PLEKHM1: variants seen among roughly 807,000 people sequenced by gnomAD.
The protein encoded by PLEKHM1 is pleckstrin homology and RUN domain containing M1.
In PLEKHM1, 28 loss-of-function variants were observed where a neutral mutation model predicts 94.3. That is an observed-to-expected ratio of 0.30 (90% CI 0.22 to 0.41). PLEKHM1 has a LOEUF of 0.41. Among genes scored for constraint, PLEKHM1 ranks in the 10% least tolerant of loss-of-function variants. The probability of loss-of-function intolerance (pLI) is 1.00; values close to 1 mark genes in which losing one functional copy is unlikely to be tolerated. For missense variants in PLEKHM1, 907 were observed against 1,358.6 expected (o/e 0.67, Z 5.22); for synonymous variants, 424 against 581.2 (o/e 0.73, Z 3.89).
chr17:45,435,821 G>A (rs2050239018), downstream of PLEKHM1: 2 of 396,102 alleles, frequency 5.0e-6, no homozygotes, highest in South Asian at 3.8e-5. Flanking sequence ...TGAGGGTAGG[G>A]GACCCTGACA....
intron 2 of PLEKHM1, among the ~76,000 whole-genome samples, chr17:45,479,580 G>A (rs1246115886): frequency 2.0e-5 from 3 of 151,618 alleles, no homozygotes; most frequent in African/African-American, 7.3e-5. Flanking sequence ...CAGCTACTTA[G>A]GAGGCTGAGG....
At chr17:45,485,397 G>A (rs896596603) in intron 1 of PLEKHM1, among the ~76,000 whole-genome samples, 2 of 152,140 alleles carry the variant, frequency 1.3e-5, no homozygotes, top group Middle Eastern at 3.4e-3. Flanking sequence ...CTTCTAGAGA[G>A]AGCCCGAAGC....
intron 4 of PLEKHM1, among the ~76,000 whole-genome samples, chr17:45,469,809 C>T (rs2684542): frequency 1.3e-5 from 2 of 152,182 alleles, no homozygotes; most frequent in African/African-American, 4.8e-5. Context: ...TGTGGTGGCT[C>T]ACATCTGCAA....
chr17:45,454,154 C>T lies in PLEKHM1; in HGVS notation c.1698G>A (p.Leu566=). ...CCACACAGGTGTGCTCCTCGTTGCT[C>T]AGGTAGAGGCGGAACTCCAGCGGGG... ...ELSPLEFRLY[L]SNEEHTCVEN... Residue 566 remains leucine (L), a synonymous_variant, in exon 7 of 12, where the codon CTG becomes CTA. Coordinates refer to ENST00000430334, the MANE Select transcript of PLEKHM1 (RefSeq NM_014798.3). The T allele has an allele frequency of 6.2e-7, 1 of 1,614,086 alleles. No homozygotes were observed. The highest frequency in any genetic ancestry group is 8.5e-7 in the Non-Finnish European group (1 of 1,180,028).
chr17:45,450,285 CATCT>C (rs1436393324), intron 8 of PLEKHM1, among the ~76,000 whole-genome samples: 1 of 152,250 alleles, frequency 6.6e-6, no homozygotes, highest in Non-Finnish European at 1.5e-5. Context: ...ATCCACCATC[CATCT>C]ATCTAATCTA....
rs527308011 is a variant in PLEKHM1, at chr17:45,455,175, C to T, written c.1580-903G>A. On this transcript the variant is annotated intron_variant, in intron 6 of 11. Coordinates refer to ENST00000430334, the MANE Select transcript of PLEKHM1 (RefSeq NM_014798.3). ...GGTCTCTAGTTTCCCTGCTCCCATT[C>T]CTTCTCGAACCTGCTCCAAGTAGGC... 3.3e-5 allele frequency among the ~76,000 whole-genome samples: 5 copies of T among 152,282 alleles called. No individual in the cohort carries two copies. In the East Asian group the frequency reaches 9.6e-4, roughly 29 times the overall value.
At chr17:45,479,194 T>C (rs2051856109) in intron 2 of PLEKHM1, among the ~76,000 whole-genome samples, 1 of 151,804 alleles carries the variant, frequency 6.6e-6, no homozygotes, top group Non-Finnish European at 1.5e-5. Flanking sequence ...GCAAACATGA[T>C]GAAACCCTGT....
At chr17:45,468,813 T>C (rs2051407282) in intron 4 of PLEKHM1, among the ~76,000 whole-genome samples, 1 of 152,236 alleles carries the variant, frequency 6.6e-6, no homozygotes, top group South Asian at 2.1e-4. Context: ...ACAGGTGATT[T>C]GTGGAGCCTG....
chr17:45,436,618 C>G lies in PLEKHM1; in HGVS notation c.*1240G>C, dbSNP rs972112972. 2 of 453,868 alleles carry G rather than the reference C, an allele frequency of 4.4e-6. No individual in the cohort carries two copies. The highest frequency in any genetic ancestry group is 2.0e-5 in the African/African-American group (1 of 50,014). 28.1% of individuals were successfully genotyped at this position (453,868 alleles called of 1,614,324 possible). ...AGAGACCAGCAAACCCACATTTCCC[C>G]GAAGCCTGGAGGGTCTGACCATCAC... On this transcript the variant is annotated 3_prime_UTR_variant, in exon 12 of 12. Coordinates refer to ENST00000430334, the MANE Select transcript of PLEKHM1 (RefSeq NM_014798.3).
chr17:45,462,778 A>T (rs1346292854), intron 5 of PLEKHM1, among the ~76,000 whole-genome samples: 1 of 152,216 alleles, frequency 6.6e-6, no homozygotes, highest in Non-Finnish European at 1.5e-5. Flanking sequence ...ACAAATGTAA[A>T]TTTTAAGATT....
At chr17:45,462,560 C>A (rs1340250423) in intron 5 of PLEKHM1, among the ~76,000 whole-genome samples, 2 of 152,042 alleles carry the variant, frequency 1.3e-5, no homozygotes, top group African/African-American at 4.8e-5. Flanking sequence ...CTTCCCACCC[C>A]CTAGCTGGGT....
chr17:45,449,963 T>C (rs1218850269), intron 8 of PLEKHM1, among the ~76,000 whole-genome samples: 1 of 142,954 alleles, frequency 7.0e-6, no homozygotes, highest in African/African-American at 2.6e-5. Flanking sequence ...CCCACCCACC[T>C]AGCCACCACC....
rs763610032 is a variant in PLEKHM1, at chr17:45,454,053, C to T, written c.1799G>A (p.Gly600Asp). 1 of 1,614,178 alleles carries T rather than the reference C, an allele frequency of 6.2e-7. No homozygotes were observed. The highest frequency in any genetic ancestry group is 8.5e-7 in the Non-Finnish European group (1 of 1,180,024). ...GGAGGCGCGCAGGGCCAGCTTCTTG[C>T]CAGAGAAGACCAGCTCAAAGCGCCC... is the stretch of plus-strand genomic sequence containing the variant. ...SDGRFELVFS[G>D]KKLALRASSQ... The change falls in exon 7 of 12, where the codon GGC becomes GAC. Residue 600 changes from glycine (G) to aspartate (D), a missense_variant. Gly to Asp is a moderately conservative substitution (Grantham distance 94). This residue lies in a region of PLEKHM1 where 477 missense variants were observed against 601.5 expected (regional missense o/e 0.79). Transcript: ENST00000430334.
Position 45,437,258 on chromosome 17 carries a change from C to G in PLEKHM1, c.*600G>C, listed in dbSNP as rs2050290658. 2.2e-6 allele frequency: 1 copy of G among 453,964 alleles called. No individual in the cohort carries two copies. Among genetic ancestry groups the G allele is most frequent in the African/African-American group, 2.0e-5 (1 of 49,998 alleles). 28.1% of individuals were successfully genotyped at this position (453,964 alleles called of 1,614,324 possible). ...TGCCCTGCTGAGGGGCGGTTTGGCA[C>G]TGGCAGTGAGGGCCAAGGAAAGGCA... On this transcript the variant is annotated 3_prime_UTR_variant, in exon 12 of 12. Coordinates refer to ENST00000430334, the MANE Select transcript of PLEKHM1 (RefSeq NM_014798.3). The surrounding 1 kb of genome is among the most constrained non-coding windows in gnomAD (Gnocchi z 4.0).
intron 8 of PLEKHM1, among the ~76,000 whole-genome samples, chr17:45,447,698 A>T (rs1422992391): frequency 6.6e-6 from 1 of 152,162 alleles, no homozygotes; most frequent in Non-Finnish European, 1.5e-5. Flanking sequence ...CCTACTTTCT[A>T]TCTTGAGTTT....
At position 45,436,577 on chromosome 17, in the gene PLEKHM1, T is replaced by G; in HGVS notation, c.*1281A>C. 2.2e-6 allele frequency: 1 copy of G among 451,668 alleles called. No homozygotes were observed. Among genetic ancestry groups the G allele is most frequent in the South Asian group, 1.6e-5 (1 of 64,390 alleles). 28.0% of individuals were successfully genotyped at this position (451,668 alleles called of 1,614,324 possible). On this transcript the variant is annotated 3_prime_UTR_variant, in exon 12 of 12. Transcript: ENST00000430334. ...GAGGGCCTGCTAGGTCCAGGAGAGG[T>G]GGGGGAAGGCGACAGAGAGACCAGC...
intron 11 of PLEKHM1, among the ~76,000 whole-genome samples, chr17:45,438,949 G>A (rs1416008063): frequency 1.3e-5 from 2 of 152,254 alleles, no homozygotes; most frequent in Non-Finnish European, 2.9e-5. Context: ...AATGTTCCCA[G>A]TTCAGTTTTC....
chr17:45,440,105 C>T, intron 10 of PLEKHM1, 58 bp downstream of exon 10: 3 of 1,494,776 alleles, frequency 2.0e-6, no homozygotes, highest in Non-Finnish European at 2.8e-6. Flanking sequence ...TCCTTGCTGA[C>T]TTCTCTGGGA....
intron 5 of PLEKHM1, among the ~76,000 whole-genome samples, chr17:45,467,013 G>A (rs55663797): frequency 0.13 from 19,649 of 152,246 alleles, 1,602 homozygotes; most frequent in Middle Eastern, 0.21. Context: ...ATGGGTAATA[G>A]GTTGCAATAT....
Sources: allele counts gnomAD v4.1 joint callset (sites outside exome capture counted in the v4.1 genomes callset), GRCh38; gene constraint gnomAD v4.1.1; regional missense constraint gnomAD v4.1.1; non-coding constraint Gnocchi (gnomAD v3.1); transcripts MANE v1.5; gene names NCBI Gene and HGNC (gene_info 2026-07-23, HGNC 2026-07-21).